The following SYTL2 variants were observed in gnomAD, a reference collection of about 807,000 sequenced individuals.
SYTL2 encodes the protein synaptotagmin-like protein 2.
In SYTL2, 165 loss-of-function variants were observed where a neutral mutation model predicts 198.7. That is an observed-to-expected ratio of 0.83 (90% CI 0.73 to 0.94). SYTL2 has a LOEUF of 0.94. Among genes scored for constraint, SYTL2 ranks in the 40% least tolerant of loss-of-function variants. The probability of loss-of-function intolerance (pLI) is 0.00; values close to 1 mark genes in which losing one functional copy is unlikely to be tolerated. For synonymous variants in SYTL2, 966 were observed against 917.7 expected (o/e 1.05, Z -0.95); for missense variants, 2,835 against 2,582.8 (o/e 1.10, Z -2.12).
At chr11:85,829,132 G>A in the SYTL2 span, among the ~76,000 whole-genome samples, 1 of 152,142 alleles carries the variant, frequency 6.6e-6, no homozygotes, top group South Asian at 2.1e-4. Context: ...GTTTGTTATG[G>A]GGGTATATTA....
chr11:85,807,612 G>A (rs929889927), intron 1 of SYTL2, among the ~76,000 whole-genome samples: 8 of 152,104 alleles, frequency 5.3e-5, no homozygotes, highest in Non-Finnish European at 1.2e-4. Flanking sequence ...CTTTCTCCAG[G>A]ACCCTCCTGA....
chr11:85,735,392 A>G (rs1166490064), intron 6 of SYTL2, among the ~76,000 whole-genome samples: 2 of 152,188 alleles, frequency 1.3e-5, no homozygotes, highest in African/African-American at 2.4e-5. Flanking sequence ...TCACCTGCAG[A>G]AATCAGAAAA....
rs185012428 is a variant in SYTL2 at position 85,776,897 on chromosome 11, T to G, written c.-389-18783A>C. On this transcript the variant is annotated intron_variant, in intron 1 of 19. Transcript: ENST00000359152. ...AGCAACACAAAATGGAGTAAGACAA[T>G]GGGGTGTATTTAAGTGTCAGCTCTG... 2.6e-4 allele frequency among the ~76,000 whole-genome samples: 39 copies of G among 152,118 alleles called. No homozygotes were observed. In the East Asian group the frequency reaches 7.0e-3, roughly 27 times the overall value.
chr11:85,814,847 A>C (rs959972543), upstream of SYTL2, among the ~76,000 whole-genome samples: 5 of 152,182 alleles, frequency 3.3e-5, no homozygotes, highest in African/African-American at 1.2e-4. Context: ...TTATGCATCA[A>C]GGCCTAGGAC....
intron 2 of SYTL2, among the ~76,000 whole-genome samples, chr11:85,753,194 CAT>C (rs1447906443): frequency 1.3e-5 from 2 of 152,044 alleles, no homozygotes; most frequent in Non-Finnish European, 1.5e-5. Context: ...ACTAAAATTA[CAT>C]ATGTGTATGT....
In SYTL2 at chr11:85,727,395, T is replaced by C. The variant is rs1435653237; in HGVS notation, c.1963A>G (p.Ser655Gly). Residue 655 changes from serine to glycine, a missense_variant, in exon 8 of 20, where the codon AGC (serine) becomes GGC (glycine). Coordinates refer to ENST00000359152, the MANE Select transcript of SYTL2 (RefSeq NM_206927.4). ...KNMDYSQDSK[S>G]PGKGNGASPS... ...GATGCCCCATTCCCTTTTCCTGGGC[T>C]TTTTGAATCTTGGCTATAGTCCATA... The C allele has an allele frequency of 3.3e-6, 5 of 1,536,246 alleles. No homozygotes were observed. Among genetic ancestry groups the C allele is most frequent in the Non-Finnish European group, 3.5e-6 (4 of 1,146,934 alleles).
intron 1 of SYTL2, among the ~76,000 whole-genome samples, chr11:85,759,791 G>A (rs2092041713): frequency 6.6e-6 from 1 of 152,080 alleles, no homozygotes; most frequent in Non-Finnish European, 1.5e-5. Context: ...TAATTTGCAT[G>A]TGCTTGCATA....
At chr11:85,831,351 C>T in the SYTL2 span, among the ~76,000 whole-genome samples, 1 of 152,170 alleles carries the variant, frequency 6.6e-6, no homozygotes, top group Non-Finnish European at 1.5e-5. Flanking sequence ...GCAAGATTAA[C>T]CTTCAGCAAA....
At chr11:85,785,282 T>C (rs780152194) in intron 1 of SYTL2, among the ~76,000 whole-genome samples, 7 of 152,248 alleles carry the variant, frequency 4.6e-5, no homozygotes, top group South Asian at 2.1e-4. Flanking sequence ...ATTAACTAAA[T>C]ACCAAAATGG....
the SYTL2 span, among the ~76,000 whole-genome samples, chr11:85,840,969 A>G: frequency 6.6e-6 from 1 of 152,224 alleles, no homozygotes; most frequent in Non-Finnish European, 1.5e-5. Flanking sequence ...TCCAGCATCT[A>G]TAAGGAACTA....
At chr11:85,779,486 A>G (rs950100061) in intron 1 of SYTL2, among the ~76,000 whole-genome samples, 1 of 152,210 alleles carries the variant, frequency 6.6e-6, no homozygotes, top group African/African-American at 2.4e-5. Context: ...TTTCACCTCC[A>G]TATGTGCTCT....
rs1260636839 is a variant in SYTL2, at chr11:85,745,733, C to G, written c.293G>C (p.Ser98Thr). The G allele has an allele frequency of 1.9e-6, 3 of 1,613,604 alleles. No individual in the cohort carries two copies. The highest frequency in any genetic ancestry group is 2.5e-6 in the Non-Finnish European group (3 of 1,179,690). Residue 98 changes from serine to threonine, a missense_variant, in exon 4 of 20, where the codon AGC becomes ACC. By Grantham distance (58) the Ser-to-Thr change is moderately conservative. Transcript: ENST00000359152. ...SKDRENGAKE[S>T]WVNNVNKDAF... ...ATCTTTGTTGACATTATTCACCCAG[C>G]TTTCCTTTGCCCCATTTTCTCTGTC... is the stretch of plus-strand genomic sequence containing the variant.
chr11:85,783,353 T>C lies in SYTL2; in HGVS notation c.-389-25239A>G, dbSNP rs2092591522. On this transcript the variant is annotated intron_variant, in intron 1 of 19. Transcript: ENST00000359152. ...AGCATAGAGGTAACCACCCCCATGA[T>C]TCAATTACCTCCCATCAAGTCCCTC... is the stretch of plus-strand genomic sequence containing the variant. 2.6e-5 allele frequency among the ~76,000 whole-genome samples: 4 copies of C among 152,220 alleles called. 1 individual carries two copies. The South Asian group carries it at 6.2e-4, about 24-fold the overall frequency.
At chr11:85,824,553 G>A in the SYTL2 span, among the ~76,000 whole-genome samples, 1 of 152,164 alleles carries the variant, frequency 6.6e-6, no homozygotes, top group Non-Finnish European at 1.5e-5. Context: ...TTGAGTAACA[G>A]AAAATATTGC....
chr11:85,843,927 G>C, the SYTL2 span, among the ~76,000 whole-genome samples: 1 of 152,198 alleles, frequency 6.6e-6, no homozygotes, highest in African/African-American at 2.4e-5. Flanking sequence ...CCAAGTTCAT[G>C]TTCTTAAACA....
rs113465555 is a variant in SYTL2, at chr11:85,703,941, A to C, written c.6189+917T>G. On this transcript the variant is annotated intron_variant, in intron 16 of 19. Coordinates refer to ENST00000359152, the MANE Select transcript of SYTL2 (RefSeq NM_206927.4). ...GAACTAATAAAGAAAAATGAAAATA[A>C]ACTATGACTGACATATTAAGAGAGA... is the stretch of plus-strand genomic sequence containing the variant. Among the ~76,000 whole-genome samples, 187 of 152,272 alleles carry C rather than the reference A, an allele frequency of 1.2e-3. 1 individual carries two copies. The highest frequency in any genetic ancestry group is 3.9e-3 in the African/African-American group (162 of 41,586).
At chr11:85,711,366 G>T in intron 12 of SYTL2, 134 bp from the exon 13 acceptor site, 1 of 914,530 alleles carries the variant, frequency 1.1e-6, no homozygotes, top group Non-Finnish European at 1.6e-6. Context: ...AGTGCTAATT[G>T]CCAGGGTATG....
At chr11:85,812,689 C>A (rs947328035), upstream of SYTL2, among the ~76,000 whole-genome samples, 1 of 152,080 alleles carries the variant, frequency 6.6e-6, no homozygotes, top group Non-Finnish European at 1.5e-5. Flanking sequence ...GAGAGGCAGG[C>A]AGAGACATGG....
chr11:85,737,108 T>C (rs2090407971), intron 5 of SYTL2, among the ~76,000 whole-genome samples: 1 of 152,168 alleles, frequency 6.6e-6, no homozygotes, highest in Non-Finnish European at 1.5e-5. Context: ...TATCATCAAT[T>C]CTAATGATAA....
Sources: gnomAD v4.1 joint callset for allele counts (sites outside exome capture counted in the v4.1 genomes callset) on GRCh38, gnomAD v4.1.1 for gene constraint, MANE v1.5 for transcripts, NCBI Gene and HGNC (gene_info 2026-07-23, HGNC 2026-07-21) for gene names.